DNM1L: variants seen among roughly 807,000 people sequenced by gnomAD.
DNM1L encodes the protein dynamin-1-like protein.
A neutral mutation model predicts 92.8 loss-of-function variants in DNM1L; 33 were observed. The observed-to-expected ratio is 0.36, with a 90% CI of 0.27 to 0.48. DNM1L has a LOEUF of 0.48. Among genes scored for constraint, DNM1L ranks in the 20% least tolerant of loss-of-function variants. The pLI, the probability that DNM1L is intolerant of heterozygous loss-of-function variation, is 0.99. For synonymous variants in DNM1L, 284 were observed against 305.0 expected (o/e 0.93, Z 0.72); for missense variants, 485 against 888.8 (o/e 0.55, Z 5.78).
chr12:32,695,835 TAGAA>T (rs1952423440), intron 1 of DNM1L, among the ~76,000 whole-genome samples: 1 of 152,054 alleles, frequency 6.6e-6, no homozygotes, highest in Non-Finnish European at 1.5e-5. Context: ...GAAGACAAAT[TAGAA>T]GGAACACAAG....
At chr12:32,729,232 C>T (rs934966280) in intron 9 of DNM1L, among the ~76,000 whole-genome samples, 1 of 152,062 alleles carries the variant, frequency 6.6e-6, no homozygotes. Context: ...CAGGCGCGCA[C>T]TACTATGCCC....
intron 13 of DNM1L, 47 bp downstream of exon 13, chr12:32,733,854 G>T (rs1448678005): frequency 6.5e-7 from 1 of 1,533,728 alleles, no homozygotes; most frequent in Non-Finnish European, 9.0e-7. Flanking sequence ...AAAATCTGTT[G>T]TAACTCAGTT....
intron 1 of DNM1L, among the ~76,000 whole-genome samples, chr12:32,684,827 T>C (rs1951939791): frequency 6.6e-6 from 1 of 152,238 alleles, no homozygotes; most frequent in South Asian, 2.1e-4. Flanking sequence ...ATTGTATAGA[T>C]ACAGCACAGT....
chr12:32,707,300 T>A, intron 2 of DNM1L, 67 bp from the exon 3 acceptor site: 1 of 1,345,164 alleles, frequency 7.4e-7, no homozygotes. Context: ...TATGTTGCCT[T>A]TTTGAATTCC....
In DNM1L at chr12:32,740,527, T is replaced by G. The variant is rs886049285; in HGVS notation, c.1994+9T>G. On this transcript the variant is annotated intron_variant, in intron 18 of 19. Coordinates refer to ENST00000549701, the MANE Select transcript of DNM1L (RefSeq NM_012062.5). ...AAGAATATTCAAGACAGGTTAGTAT[T>G]ACTTAATATAAATGACGGACTTTAA... is the stretch of plus-strand genomic sequence containing the variant. The G allele has an allele frequency of 6.3e-7, 1 of 1,595,324 alleles. No homozygotes were observed. The highest frequency in any genetic ancestry group is 1.1e-5 in the South Asian group (1 of 90,080).
intron 8 of DNM1L, among the ~76,000 whole-genome samples, chr12:32,722,014 A>G (rs1397119186): frequency 1.3e-5 from 2 of 152,232 alleles, no homozygotes; most frequent in Non-Finnish European, 2.9e-5. Context: ...ACCACACTCC[A>G]GGAACCTTCA....
chr12:32,709,640 A>G (rs1953049716), intron 4 of DNM1L: 1 of 152,242 alleles, frequency 6.6e-6, no homozygotes, highest in Admixed American at 6.5e-5. Context: ...TTTTGATCTT[A>G]TATAATTTTT....
intron 6 of DNM1L, among the ~76,000 whole-genome samples, chr12:32,717,100 T>A (rs28560189): frequency 7.3e-5 from 9 of 122,814 alleles, no homozygotes; most frequent in African/African-American, 2.9e-4. Flanking sequence ...ATATATATAT[T>A]TTATATATTT....
chr12:32,681,972 C>T lies in DNM1L; in HGVS notation c.102+2507C>T, dbSNP rs958698441. On this transcript the variant is annotated intron_variant, in intron 1 of 19. Coordinates refer to ENST00000549701, the MANE Select transcript of DNM1L (RefSeq NM_012062.5). ...TTCTGCGATGGCACTCCAGCCTGGG[C>T]GACAGAGTGAGACCCTGATTCTTCC... Among the ~76,000 whole-genome samples the T allele has an allele frequency of 2.6e-5, 4 of 151,742 alleles. No individual in the cohort carries two copies. The East Asian group carries it at 5.8e-4, about 22-fold the overall frequency.
rs568959701 is a variant in DNM1L at position 32,738,236 on chromosome 12, T to C, written c.1675-28T>C. 6.2e-6 allele frequency: 10 copies of C among 1,612,394 alleles called. No homozygotes were observed. The African/African-American group carries it at 1.1e-4, about 17-fold the overall frequency. On this transcript the variant is annotated intron_variant, in intron 15 of 19. Transcript: ENST00000549701. ...TGGTATTTAAATTTTGCTTGTTAAATTGCATGTTTTAACATATCTTTTAAC... is the reference window on the plus strand; with the variant it reads ...TGGTATTTAAATTTTGCTTGTTAAACTGCATGTTTTAACATATCTTTTAAC...
intron 4 of DNM1L, among the ~76,000 whole-genome samples, chr12:32,709,888 T>C (rs1257442298): frequency 1.3e-5 from 2 of 152,150 alleles, no homozygotes; most frequent in Non-Finnish European, 2.9e-5. Context: ...CAGAGTAATC[T>C]AAAATAGCAA....
intron 6 of DNM1L, among the ~76,000 whole-genome samples, chr12:32,714,630 G>A (rs1435410357): frequency 6.6e-6 from 1 of 151,850 alleles, no homozygotes; most frequent in African/African-American, 2.4e-5. Flanking sequence ...AGTAAATAAT[G>A]TTCATTTCAG....
chr12:32,724,596 ATATAT>A (rs375627513), intron 9 of DNM1L, among the ~76,000 whole-genome samples: 1,452 of 41,620 alleles, frequency 0.035, 24 homozygotes, highest in Middle Eastern at 0.13. Flanking sequence ...AAAAAAAAAT[ATATAT>A]ATATATATAT....
In DNM1L at chr12:32,743,477, A is replaced by T. The variant is rs922205109; in HGVS notation, c.*67A>T. ...GCTAGTTACTGCCTACCTGAGTAGA[A>T]TCTTATTTATGAACTCCTGTGTATT... On this transcript the variant is annotated 3_prime_UTR_variant, in exon 20 of 20. Transcript: ENST00000549701. The T allele has an allele frequency of 3.8e-5, 55 of 1,464,842 alleles. No homozygotes were observed. Among genetic ancestry groups the T allele is most frequent in the Non-Finnish European group, 4.8e-5 (50 of 1,047,484 alleles). 90.7% of individuals were successfully genotyped at this position (1,464,842 alleles called of 1,614,324 possible). A position where few individuals can be genotyped will look rare whatever the true frequency, so the allele number is the denominator to read the frequency against.
intron 1 of DNM1L, among the ~76,000 whole-genome samples, chr12:32,697,921 AATG>A (rs1237411442): frequency 2.0e-5 from 3 of 152,216 alleles, no homozygotes; most frequent in Admixed American, 2.0e-4. Flanking sequence ...AAATAAGAAA[AATG>A]AACATTCTAA....
chr12:32,683,863 G>A (rs1190101448), intron 1 of DNM1L, among the ~76,000 whole-genome samples: 5 of 152,004 alleles, frequency 3.3e-5, no homozygotes, highest in Non-Finnish European at 7.4e-5. Context: ...ATTTTTAGTA[G>A]AGACAGCATT....
chr12:32,686,944 T>TC (rs970747690), intron 1 of DNM1L, among the ~76,000 whole-genome samples: 2 of 143,028 alleles, frequency 1.4e-5, no homozygotes, highest in African/African-American at 5.3e-5. Flanking sequence ...TTTCTTTTTT[T>TC]TTTTTTTTTT....
chr12:32,690,540 C>T (rs545186149), intron 1 of DNM1L, among the ~76,000 whole-genome samples: 1 of 152,242 alleles, frequency 6.6e-6, no homozygotes, highest in East Asian at 1.9e-4. Context: ...TTTCCTACTT[C>T]TACATCTGCA....
At position 32,713,295 on chromosome 12, in the gene DNM1L, C is replaced by T. The variant is rs979304171; in HGVS notation, c.543C>T (p.Ile181=). 1.2e-6 allele frequency: 2 copies of T among 1,613,880 alleles called. No individual in the cohort carries two copies. Among genetic ancestry groups the T allele is most frequent in the Non-Finnish European group, 1.7e-6 (2 of 1,179,932 alleles). Residue 181 remains isoleucine, a synonymous_variant, in exon 6 of 20, where the codon ATC becomes ATT. Transcript: ENST00000549701. ...TCATCAGTAATCCTAATTCCATTAT[C>T]CTCGCTGTCACTGCTGCTAATACAG... ...LRFISNPNSI[I]LAVTAANTDM...
Sources: allele counts gnomAD v4.1 joint callset (sites outside exome capture counted in the v4.1 genomes callset), GRCh38; gene constraint gnomAD v4.1.1; transcripts MANE v1.5; gene names NCBI Gene and HGNC (gene_info 2026-07-23, HGNC 2026-07-21).